The following CHRNB3 variants were observed in gnomAD, a reference collection of about 807,000 sequenced individuals.
CHRNB3 encodes neuronal acetylcholine receptor subunit beta-3.
Under a neutral mutation model 40.6 loss-of-function variants are expected in CHRNB3, and 37 were observed. The ratio of observed to expected loss-of-function variants is 0.91; its 90% confidence interval spans 0.70 to 1.20. The LOEUF is 1.20. Among genes scored for constraint, CHRNB3 ranks in the 50% most tolerant of loss-of-function variants. CHRNB3 has a pLI of 0.00. For synonymous variants in CHRNB3, 207 were observed against 207.1 expected, an observed-to-expected ratio of 1.00 and a Z score of 0.00; for missense variants, 505 against 551.2, an observed-to-expected ratio of 0.92 and a Z score of 0.84.
intron 3 of CHRNB3, chr8:42,725,633 T>G: frequency 8.6e-7 from 1 of 1,156,452 alleles, no homozygotes; most frequent in Non-Finnish European, 1.3e-6. Context: ...CTATTTTTGG[T>G]AGCATGACGG....
chr8:42,736,524 G>A lies in CHRNB3; in HGVS notation c.1283G>A (p.Arg428Gln), dbSNP rs1450482545. Residue 428 changes from arginine to glutamine, a missense_variant, in exon 6 of 6, where the codon CGA (arginine) becomes CAA (glutamine). Physicochemically the swap from Arg to Gln is conservative, Grantham distance 43. Transcript: ENST00000289957. ...DWKFVAQVLD[R>Q]IFLWLFLIVS... ...AAATTTGTAGCTCAAGTTCTTGACC[G>A]AATCTTCCTGTGGCTCTTTCTGATA... is the stretch of plus-strand genomic sequence containing the variant. 6.8e-6 allele frequency: 11 copies of A among 1,613,996 alleles called. No homozygotes were observed. Among genetic ancestry groups the A allele is most frequent in the South Asian group, 6.6e-5 (6 of 91,078 alleles).
At chr8:42,735,747 C>G (rs1484832803) in intron 5 of CHRNB3, among the ~76,000 whole-genome samples, 1 of 152,080 alleles carries the variant, frequency 6.6e-6, no homozygotes, top group East Asian at 1.9e-4. Context: ...TTTCTTGTCT[C>G]CTTCATGAAT....
At chr8:42,710,469 C>T (rs747959801) in intron 3 of CHRNB3, 35 bp downstream of exon 3, 10 of 1,543,916 alleles carry the variant, frequency 6.5e-6, no homozygotes, top group Non-Finnish European at 5.3e-6. Context: ...TCTGCTAACC[C>T]AGTCACTTAT....
At chr8:42,709,228 G>C (rs1815971137) in intron 2 of CHRNB3, among the ~76,000 whole-genome samples, 1 of 152,146 alleles carries the variant, frequency 6.6e-6, no homozygotes, top group East Asian at 1.9e-4. Context: ...GATCCTCCCT[G>C]GCTGTGCCCT....
rs1563616439 is a variant in CHRNB3, at chr8:42,731,781, GT to G, written c.479del (p.Phe160SerfsTer10). ...YKSSCTMDVT[F>X]FPFDRQNCSM... ...AAAGCTCCTGCACCATGGACGTCAC[GT>G]TTTTCCCGTTCGACCGACAGAACTG... On this transcript the variant is annotated frameshift_variant, in exon 5 of 6. Transcript: ENST00000289957. LOFTEE classifies it high-confidence loss of function. 6.2e-7 allele frequency: 1 copy of G among 1,614,078 alleles called. No homozygotes were observed. The highest frequency in any genetic ancestry group is 1.7e-5 in the Admixed American group (1 of 60,002).
chr8:42,730,561 G>A (rs753202547), intron 3 of CHRNB3, 33 bp from the exon 4 acceptor site: 21 of 1,300,194 alleles, frequency 1.6e-5, no homozygotes, highest in Middle Eastern at 1.9e-4. Context: ...TTGAACTTTC[G>A]GAATAAAATC....
At chr8:42,701,030 C>G (rs530161426) in intron 1 of CHRNB3, among the ~76,000 whole-genome samples, 2 of 151,446 alleles carry the variant, frequency 1.3e-5, no homozygotes, top group African/African-American at 4.8e-5. Context: ...GAGGTGGAGA[C>G]CATCCTGGCC....
chr8:42,730,685 A>G lies in CHRNB3; in HGVS notation c.341A>G (p.Asp114Gly), dbSNP rs1563615771. Residue 114 changes from aspartate to glycine, a missense_variant, in exon 4 of 6, where the codon GAC (aspartate) becomes GGC (glycine). Transcript: ENST00000289957. Reference sequence around the variant, plus strand: ...CCATCAGAATCTCTGTGGCTTCCTGACATAGTTCTCTTTGAAAAGTAAGTA... The same window carrying G: ...CCATCAGAATCTCTGTGGCTTCCTGGCATAGTTCTCTTTGAAAAGTAAGTA... ...KVPSESLWLPDIVLFENADGR... is the reference protein window; with the variant it reads ...KVPSESLWLPGIVLFENADGR... The G allele has an allele frequency of 6.3e-7, 1 of 1,597,146 alleles. No individual in the cohort carries two copies. The highest frequency in any genetic ancestry group is 8.6e-7 in the Non-Finnish European group (1 of 1,167,766).
chr8:42,731,550 A>G (rs961586338), intron 4 of CHRNB3, 117 bp from the exon 5 acceptor site: 15 of 1,151,194 alleles, frequency 1.3e-5, no homozygotes, highest in Non-Finnish European at 1.8e-5. Flanking sequence ...GTGAGACTCC[A>G]TCTCAAAAAA....
At chr8:42,724,990 C>CA (rs1452473692) in intron 3 of CHRNB3, among the ~76,000 whole-genome samples, 1 of 150,172 alleles carries the variant, frequency 6.7e-6, no homozygotes, top group African/African-American at 2.4e-5. Context: ...TCTCAAAAAA[C>CA]AAAAAAAGAA....
chr8:42,726,276 A>G (rs1205785896), intron 3 of CHRNB3: 16 of 633,678 alleles, frequency 2.5e-5, no homozygotes, highest in Non-Finnish European at 2.2e-5. Flanking sequence ...GGCAAGGAAA[A>G]GCAGTCAAAG....
chr8:42,723,952 G>C (rs1563613486), intron 3 of CHRNB3, among the ~76,000 whole-genome samples: 1 of 152,004 alleles, frequency 6.6e-6, no homozygotes, highest in Non-Finnish European at 1.5e-5. Flanking sequence ...TGGGCGTGAT[G>C]GTGGATGCCT....
intron 4 of CHRNB3, 152 bp from the exon 5 acceptor site, chr8:42,731,515 A>G (rs1202752598): frequency 1.2e-6 from 1 of 846,870 alleles, no homozygotes; most frequent in African/African-American, 1.7e-5. Context: ...AGATGGCGCC[A>G]CCGCACTCCA....
chr8:42,717,929 T>G (rs141459103), intron 3 of CHRNB3, among the ~76,000 whole-genome samples: 8,547 of 150,354 alleles, frequency 0.057, 318 homozygotes, highest in Middle Eastern at 0.11. Context: ...GCCTCCCGGA[T>G]TCAAGTGATT....
At chr8:42,712,803 A>T in intron 3 of CHRNB3, among the ~76,000 whole-genome samples, 1 of 151,944 alleles carries the variant, frequency 6.6e-6, no homozygotes, top group Admixed American at 6.6e-5. Flanking sequence ...GTTAACAAAA[A>T]ATCAAACAAA....
intron 3 of CHRNB3, among the ~76,000 whole-genome samples, chr8:42,718,065 AT>A (rs1816150369): frequency 6.6e-6 from 1 of 151,920 alleles, no homozygotes; most frequent in South Asian, 2.1e-4. Context: ...TCCTGACCTC[AT>A]GTGATCGCCT....
chr8:42,720,202 G>A (rs1466519496), intron 3 of CHRNB3, among the ~76,000 whole-genome samples: 3 of 124,870 alleles, frequency 2.4e-5, no homozygotes, highest in Non-Finnish European at 3.2e-5. Context: ...TCTCGGCTCC[G>A]CCTCCCAGGT....
chr8:42,697,583 G>A lies in CHRNB3; in HGVS notation c.37G>A (p.Gly13Ser), dbSNP rs375782815. 6.2e-7 allele frequency: 1 copy of A among 1,613,298 alleles called. No individual in the cohort carries two copies. The highest frequency in any genetic ancestry group is 1.3e-5 in the African/African-American group (1 of 74,900). The stretch of plus-strand genomic sequence containing the variant: ...TTTTATGCTGGTTCTCATCGTCCTT[G>A]GCATCCCTTCCTCAGGTAAGCACAA... Reference protein sequence around the residue: ...PDFMLVLIVLGIPSSATTGFN... With the variant: ...PDFMLVLIVLSIPSSATTGFN... Residue 13 changes from glycine (G) to serine (S), a missense_variant, in exon 1 of 6, where the codon GGC (glycine) becomes AGC (serine). Physicochemically the swap from Gly to Ser is moderately conservative, Grantham distance 56. Coordinates refer to ENST00000289957, the MANE Select transcript of CHRNB3 (RefSeq NM_000749.5).
At chr8:42,703,435 A>AAATATATATATATATATATATAT in intron 1 of CHRNB3, among the ~76,000 whole-genome samples, 3 of 47,412 alleles carry the variant, frequency 6.3e-5, no homozygotes, top group South Asian at 8.8e-4. Flanking sequence ...AAAAAAAAAA[A>AAATATATATATATATATATATAT]ATATTTATAT....
Sources: allele counts gnomAD v4.1 joint callset (sites outside exome capture counted in the v4.1 genomes callset), GRCh38; gene constraint gnomAD v4.1.1; transcripts MANE v1.5; gene names NCBI Gene and HGNC (gene_info 2026-07-23, HGNC 2026-07-21).